Variants in SMCHD1 observed in about 807,000 individuals in gnomAD.
SMCHD1 encodes structural maintenance of chromosomes flexible hinge domain containing 1, also known as structural maintenance of chromosomes flexible hinge domain-containing protein 1.
Under a neutral mutation model 254.7 loss-of-function variants are expected in SMCHD1, and 78 were observed. The observed-to-expected ratio is 0.31, with a 90% CI of 0.26 to 0.37. The LOEUF (loss-of-function observed/expected upper bound fraction) is 0.37. Ranked by LOEUF, SMCHD1 falls within the 10% of genes least tolerant of loss-of-function variation. SMCHD1 has a pLI of 1.00. For synonymous variants in SMCHD1, 766 were observed against 794.9 expected (o/e 0.96, Z 0.61); for missense variants, 1,840 against 2,408.1 (o/e 0.76, Z 4.94).
Position 2,749,242 on chromosome 18 carries a change from T to G in SMCHD1, c.3928-801T>G, listed in dbSNP as rs538045560. 3.3e-5 allele frequency among the ~76,000 whole-genome samples: 5 copies of G among 152,348 alleles called. No individual in the cohort carries two copies. The South Asian group carries it at 6.2e-4, about 19-fold the overall frequency. On this transcript the variant is annotated intron_variant, in intron 30 of 47. Coordinates refer to ENST00000320876, the MANE Select transcript of SMCHD1 (RefSeq NM_015295.3). ...ATTTCAAGTACCCTTTCTCATTTTT[T>G]CCTGTTCAGCTATTGCTTTTCCTGT...
intron 17 of SMCHD1, among the ~76,000 whole-genome samples, chr18:2,709,143 C>T (rs550668912): frequency 2.7e-5 from 4 of 149,496 alleles, no homozygotes; most frequent in African/African-American, 4.9e-5. Flanking sequence ...TTGTGTCTGG[C>T]CTGTTTCGCT....
chr18:2,725,599 G>A (rs11664217), intron 21 of SMCHD1, among the ~76,000 whole-genome samples: 44,584 of 151,294 alleles, frequency 0.29, 6,778 homozygotes, highest in East Asian at 0.5. Context: ...ACTGTAGCAA[G>A]TTTTTTTTCA....
intron 1 of SMCHD1, among the ~76,000 whole-genome samples, chr18:2,657,722 A>G (rs2073113832): frequency 6.6e-6 from 1 of 152,158 alleles, no homozygotes; most frequent in Non-Finnish European, 1.5e-5. Flanking sequence ...AGTTTCTTTA[A>G]ACGTAGGTCT....
intron 40 of SMCHD1, 70 bp from the exon 41 acceptor site, chr18:2,772,180 C>T: frequency 2.4e-6 from 3 of 1,273,250 alleles, no homozygotes; most frequent in Non-Finnish European, 3.0e-6. Flanking sequence ...AATTTTTCTC[C>T]ACTGTCATTA....
Position 2,700,740 on chromosome 18 carries a change from A to G in SMCHD1, c.1469A>G (p.Asp490Gly), listed in dbSNP as rs1405329768. 6.2e-7 allele frequency: 1 copy of G among 1,608,764 alleles called. No individual in the cohort carries two copies. Among genetic ancestry groups the G allele is most frequent in the Non-Finnish European group, 8.5e-7 (1 of 1,177,578 alleles). The change falls in exon 12 of 48, where the codon GAC becomes GGC. Residue 490 changes from aspartate to glycine, a missense_variant. Around this residue, in one of 9 missense-constraint regions of SMCHD1, gnomAD observed 498 missense variants for 743.5 expected, o/e 0.67. Coordinates refer to ENST00000320876, the MANE Select transcript of SMCHD1 (RefSeq NM_015295.3). ...LIPYTSVEDF[D>G]WCTPPKKRGL... ...AACATTTTGTTCTGTTCAAGCTTTG[A>G]CTGGTGTACTCCTCCTAAGAAGAGA... is the stretch of plus-strand genomic sequence containing the variant.
At position 2,726,663 on chromosome 18, in the gene SMCHD1, G is replaced by C. The variant is rs1598373020; in HGVS notation, c.2773+139G>C. ...CACTTAAATGTCAAACCATAGCACT[G>C]ACAGAAATGACCAGTTTTTAAAAAG... On this transcript the variant is annotated intron_variant, in intron 22 of 47. Transcript: ENST00000320876. 9 of 359,706 alleles carry C rather than the reference G, an allele frequency of 2.5e-5. No homozygotes were observed. The East Asian group carries it at 4.2e-4, about 17-fold the overall frequency. 22.3% of individuals were successfully genotyped at this position (359,706 alleles called of 1,614,324 possible).
intron 3 of SMCHD1, among the ~76,000 whole-genome samples, chr18:2,671,076 A>G (rs562291852): frequency 3.3e-5 from 5 of 150,638 alleles, no homozygotes; most frequent in African/African-American, 1.2e-4. Context: ...AGCTGGGATT[A>G]CAGGCGTGCA....
At chr18:2,796,599 G>A in intron 47 of SMCHD1, 78 bp downstream of exon 47, 1 of 960,598 alleles carries the variant, frequency 1.0e-6, no homozygotes, top group Non-Finnish European at 1.6e-6. Context: ...TTGTTTTTTT[G>A]AGATGAAGTC....
In SMCHD1 at chr18:2,802,840, A is replaced by T. The variant is rs1007480429; in HGVS notation, c.*288A>T. On this transcript the variant is annotated 3_prime_UTR_variant, in exon 48 of 48. Transcript: ENST00000320876. ...AGGAAAATGTGCTAATGTGGCAGTG[A>T]CTGTAAAACTGGCACATGGCATTTA... 3.2e-6 allele frequency: 1 copy of T among 317,356 alleles called. No homozygotes were observed. Among genetic ancestry groups the T allele is most frequent in the African/African-American group, 2.1e-5 (1 of 46,686 alleles). The allele number at this position is 317,356 out of a possible 1,614,324, so 19.7% of individuals were successfully genotyped here. A position where few individuals can be genotyped will look rare whatever the true frequency, so the allele number is the denominator to read the frequency against.
At chr18:2,789,506 G>A (rs2076286733) in intron 45 of SMCHD1, among the ~76,000 whole-genome samples, 1 of 50,632 alleles carries the variant, frequency 2.0e-5, no homozygotes, top group African/African-American at 7.1e-5. Flanking sequence ...AAAAAAGTGA[G>A]AGAGTAGACC....
At chr18:2,750,274 T>C (rs2075546377) in intron 31 of SMCHD1, 76 bp from the exon 32 acceptor site, 1 of 1,481,242 alleles carries the variant, frequency 6.8e-7, no homozygotes, top group Admixed American at 2.3e-5. Context: ...AGAGTTGAAC[T>C]TTGCATAAAT....
At chr18:2,689,896 CGCCTGT>C (rs1205726554) in intron 7 of SMCHD1, among the ~76,000 whole-genome samples, 9 of 145,152 alleles carry the variant, frequency 6.2e-5, no homozygotes, top group Non-Finnish European at 1.0e-4. Flanking sequence ...TGGTGGTGTG[CGCCTGT>C]AGTCCCAGCA....
At chr18:2,724,832 C>A in intron 20 of SMCHD1, 67 bp from the exon 21 acceptor site, 1 of 806,334 alleles carries the variant, frequency 1.2e-6, no homozygotes, top group South Asian at 2.7e-5. Flanking sequence ...CATAGGAAAG[C>A]AAAAACACAT....
chr18:2,699,596 T>C (rs2074356303), intron 10 of SMCHD1, among the ~76,000 whole-genome samples: 1 of 152,188 alleles, frequency 6.6e-6, no homozygotes, highest in African/African-American at 2.4e-5. Flanking sequence ...CACCTCAGCT[T>C]CCCAAAGTGC....
intron 5 of SMCHD1, among the ~76,000 whole-genome samples, chr18:2,680,176 G>C (rs74680128): frequency 6.6e-6 from 1 of 152,138 alleles, no homozygotes; most frequent in Non-Finnish European, 1.5e-5. Flanking sequence ...TTCTGCCACA[G>C]TCTCTACCAA....
In SMCHD1 at chr18:2,706,489, T is replaced by C. The variant is rs2074516863; in HGVS notation, c.2063+19T>C. The C allele has an allele frequency of 1.3e-6, 2 of 1,515,138 alleles. No individual in the cohort carries two copies. The highest frequency in any genetic ancestry group is 2.8e-5 in the African/African-American group (2 of 72,650). The allele number at this position is 1,515,138 out of a possible 1,614,324, so 93.9% of individuals were successfully genotyped here. A position where few individuals can be genotyped will look rare whatever the true frequency, so the allele number is the denominator to read the frequency against. On this transcript the variant is annotated intron_variant, in intron 15 of 47. Transcript: ENST00000320876. ...TGGCAAGGTAAGTCACACTTCAAGA[T>C]GCATGACAAAAATAAGAAAAATTGG...
At chr18:2,734,732 G>A (rs1415383469) in intron 25 of SMCHD1, among the ~76,000 whole-genome samples, 1 of 151,668 alleles carries the variant, frequency 6.6e-6, no homozygotes. Context: ...CATTAGAGGA[G>A]CATAAACTAG....
rs1326932194 is a variant in SMCHD1 at position 2,740,778 on chromosome 18, C to G, written c.3590C>G (p.Ala1197Gly). The change falls in exon 28 of 48, where the codon GCT becomes GGT. Residue 1197 changes from alanine (A) to glycine (G), a missense_variant. Ala to Gly is a moderately conservative substitution (Grantham distance 60). Around this residue, in one of 9 missense-constraint regions of SMCHD1, gnomAD observed 881 missense variants for 1,009.5 expected, o/e 0.87. Coordinates refer to ENST00000320876, the MANE Select transcript of SMCHD1 (RefSeq NM_015295.3). ...SPSSLSSLSI[A>G]GVGLDSSNLK... Reference sequence around the variant, plus strand: ...AGTTCTTTATCTTCTTTGTCAATTGCTGGGGTTGGACTTGATAGCTCAAAT... The same window carrying G: ...AGTTCTTTATCTTCTTTGTCAATTGGTGGGGTTGGACTTGATAGCTCAAAT... 1.9e-6 allele frequency: 3 copies of G among 1,611,106 alleles called. No individual in the cohort carries two copies. The highest frequency in any genetic ancestry group is 2.5e-6 in the Non-Finnish European group (3 of 1,178,326).
chr18:2,659,556 C>T (rs151140626), intron 1 of SMCHD1, among the ~76,000 whole-genome samples: 1 of 152,230 alleles, frequency 6.6e-6, no homozygotes, highest in African/African-American at 2.4e-5. Flanking sequence ...GCAGAATCAA[C>T]GATTAGAAGA....
Sources: gnomAD v4.1 joint callset for allele counts (sites outside exome capture counted in the v4.1 genomes callset) on GRCh38, gnomAD v4.1.1 for gene constraint, gnomAD v4.1.1 regional missense constraint, MANE v1.5 for transcripts, NCBI Gene and HGNC (gene_info 2026-07-23, HGNC 2026-07-21) for gene names.